The following UNC13A variants were observed in gnomAD, a reference collection of about 807,000 sequenced individuals.
UNC13A encodes the protein unc-13 homolog A, also known as protein unc-13 homolog A.
UNC13A carries 61 observed loss-of-function variants against 219.7 expected under a neutral mutation model. That is an observed-to-expected ratio of 0.28 (90% CI 0.23 to 0.34). The LOEUF (loss-of-function observed/expected upper bound fraction) is 0.34, where lower values mean the gene tolerates loss of function less well. Ranked by LOEUF, UNC13A falls within the 10% of genes least tolerant of loss-of-function variation. The pLI is 1.00. For missense variants in UNC13A, 1,476 were observed against 2,270.3 expected (o/e 0.65, Z 7.11); for synonymous variants, 920 against 884.6 (o/e 1.04, Z -0.71).
chr19:17,660,449 G>C (rs1194676378), intron 8 of UNC13A, among the ~76,000 whole-genome samples: 1 of 151,714 alleles, frequency 6.6e-6, no homozygotes, highest in Non-Finnish European at 1.5e-5. Flanking sequence ...GTCTGTTTTC[G>C]GTTCAATTGT....
At chr19:17,640,292 G>A (rs2076954931) in intron 22 of UNC13A, among the ~76,000 whole-genome samples, 1 of 152,206 alleles carries the variant, frequency 6.6e-6, no homozygotes, top group Non-Finnish European at 1.5e-5. Context: ...TCCAGCCTCG[G>A]CCTCCCAAAG....
chr19:17,629,097 C>A (rs1568510988), intron 31 of UNC13A, 143 bp downstream of exon 31: 1 of 691,138 alleles, frequency 1.4e-6, no homozygotes. Context: ...AAACAAGCAC[C>A]TCTAAACACA....
intron 43 of UNC13A, 61 bp from the exon 44 acceptor site, chr19:17,606,415 C>A: frequency 3.3e-6 from 5 of 1,513,376 alleles, no homozygotes; most frequent in Non-Finnish European, 3.5e-6. Context: ...CCGCCCACGG[C>A]CCCGTCCCCA....
At chr19:17,655,213 G>T in intron 11 of UNC13A, 61 bp downstream of exon 11, 1 of 1,370,746 alleles carries the variant, frequency 7.3e-7, no homozygotes, top group Non-Finnish European at 1.0e-6. Context: ...ACATGTGTGG[G>T]CCTGCCATTG....
In UNC13A at chr19:17,603,646, G is replaced by C. The variant is rs2076490313; in HGVS notation, c.*2408C>G. The C allele has an allele frequency of 6.6e-6, 1 of 152,080 alleles. No homozygotes were observed. Among genetic ancestry groups the C allele is most frequent in the South Asian group, 2.1e-4 (1 of 4,816 alleles). 9.4% of individuals were successfully genotyped at this position (152,080 alleles called of 1,614,324 possible). A position where few individuals can be genotyped will look rare whatever the true frequency, so the allele number is the denominator to read the frequency against. On this transcript the variant is annotated 3_prime_UTR_variant, in exon 44 of 44. Transcript: ENST00000519716. The stretch of plus-strand genomic sequence containing the variant: ...TGGCGCCACTTCTTCCAGACACTTG[G>C]GCCATTCACATGTCGGGAAACCAAC...
intron 24 of UNC13A, 88 bp downstream of exon 24, chr19:17,639,348 C>T (rs2076943353): frequency 1.2e-5 from 19 of 1,564,070 alleles, no homozygotes; most frequent in Non-Finnish European, 1.6e-5. Context: ...AAGGCTGCCA[C>T]TCTCCAGGAG....
chr19:17,606,172 C>G lies in UNC13A; in HGVS notation c.4994G>C (p.Gly1665Ala), dbSNP rs2076525268. The G allele has an allele frequency of 6.4e-7, 1 of 1,571,284 alleles. No individual in the cohort carries two copies. The highest frequency in any genetic ancestry group is 1.8e-5 in the Admixed American group (1 of 54,060). Residue 1665 changes from glycine to alanine, a missense_variant, in exon 44 of 44, where the codon GGC (glycine) becomes GCC (alanine). By Grantham distance (60) the Gly-to-Ala change is moderately conservative. Coordinates refer to ENST00000519716, the MANE Select transcript of UNC13A (RefSeq NM_001080421.3). ...LGRRIHMDDT[G>A]LTVLRILSQR... ...CGAGAGGATTCGCAGCACCGTGAGG[C>G]CCGTGTCGTCCATGTGGATGCGGCG...
intron 6 of UNC13A, 141 bp downstream of exon 6, chr19:17,667,976 A>T: frequency 1.3e-6 from 1 of 798,002 alleles, no homozygotes; most frequent in Non-Finnish European, 2.0e-6. Flanking sequence ...TGGGTCATGG[A>T]TGCAGTCAGG....
intron 1 of UNC13A, among the ~76,000 whole-genome samples, chr19:17,681,237 A>C (rs1488398663): frequency 1.3e-5 from 2 of 151,704 alleles, no homozygotes; most frequent in East Asian, 3.9e-4. Context: ...GTCTTGGGGC[A>C]CTGGCTCCCT....
chr19:17,613,660 T>C (rs1261309418), intron 41 of UNC13A: 1 of 151,978 alleles, frequency 6.6e-6, no homozygotes, highest in Non-Finnish European at 1.5e-5. Context: ...ATCTTTTATT[T>C]TCCTTACCCC....
intron 1 of UNC13A, among the ~76,000 whole-genome samples, chr19:17,683,379 C>G (rs1469812021): frequency 6.6e-6 from 1 of 152,050 alleles, no homozygotes; most frequent in Non-Finnish European, 1.5e-5. Flanking sequence ...AGCCTGTAAT[C>G]TCAGTACATT....
intron 15 of UNC13A, 44 bp downstream of exon 15, chr19:17,648,868 C>A: frequency 6.4e-7 from 1 of 1,557,310 alleles, no homozygotes; most frequent in Non-Finnish European, 8.7e-7. Flanking sequence ...AAGCTCCTAG[C>A]CCAGTCCATC....
chr19:17,678,547 C>A (rs1043831641), intron 1 of UNC13A, among the ~76,000 whole-genome samples: 3 of 152,062 alleles, frequency 2.0e-5, no homozygotes, highest in African/African-American at 4.8e-5. Flanking sequence ...TCTCTCTGGG[C>A]CTTCATCTCT....
At chr19:17,682,284 G>T (rs1016205719) in intron 1 of UNC13A, among the ~76,000 whole-genome samples, 1 of 152,062 alleles carries the variant, frequency 6.6e-6, no homozygotes, top group African/African-American at 2.4e-5. Context: ...TTTTGCTCAC[G>T]ATTATTGGGC....
In UNC13A at chr19:17,626,779, C is replaced by A. The variant is rs773587026; in HGVS notation, c.3927G>T (p.Gln1309His). The change falls in exon 34 of 44, where the codon CAG becomes CAT. Residue 1309 changes from glutamine to histidine, a missense_variant. Physicochemically the swap from Gln to His is conservative, Grantham distance 24. Around this residue, in one of 14 missense-constraint regions of UNC13A, gnomAD observed 218 missense variants for 409.4 expected, o/e 0.53. Coordinates refer to ENST00000519716, the MANE Select transcript of UNC13A (RefSeq NM_001080421.3). Reference protein sequence around the residue: ...ELSRVFATSFQPHIEECVKQM... With the variant: ...ELSRVFATSFHPHIEECVKQM... ...GTTTGACACACTCTTCAATGTGCGG[C>A]TGGAAGCTGGGGACACAGAAGGGAA... 6.2e-7 allele frequency: 1 copy of A among 1,610,216 alleles called. No individual in the cohort carries two copies. Among genetic ancestry groups the A allele is most frequent in the South Asian group, 1.1e-5 (1 of 90,538 alleles).
At chr19:17,663,759 G>A (rs573426977) in intron 7 of UNC13A, among the ~76,000 whole-genome samples, 192 bp from the exon 8 acceptor site, 1 of 152,126 alleles carries the variant, frequency 6.6e-6, no homozygotes, top group African/African-American at 2.4e-5. Context: ...CACCTTGGGA[G>A]GAAGGTGGGA....
chr19:17,675,369 C>T (rs892800235), intron 2 of UNC13A, among the ~76,000 whole-genome samples: 1 of 151,890 alleles, frequency 6.6e-6, no homozygotes, highest in African/African-American at 2.4e-5. Flanking sequence ...CGGTAGCTCA[C>T]GCCTGCAATC....
chr19:17,631,184 T>C (rs193243173), intron 28 of UNC13A, among the ~76,000 whole-genome samples: 819 of 25,148 alleles, frequency 0.033, 60 homozygotes, highest in African/African-American at 0.058. Flanking sequence ...CCTCCTTTCC[T>C]TCCTTCCCTC....
intron 39 of UNC13A, 96 bp downstream of exon 39, chr19:17,618,810 T>G (rs2076695267): frequency 5.0e-6 from 6 of 1,190,162 alleles, no homozygotes; most frequent in Non-Finnish European, 7.5e-6. Flanking sequence ...ATGCATGTCA[T>G]CATCCTGGGA....
Sources: allele counts gnomAD v4.1 joint callset (sites outside exome capture counted in the v4.1 genomes callset), GRCh38; gene constraint gnomAD v4.1.1; regional missense constraint gnomAD v4.1.1; transcripts MANE v1.5; gene names NCBI Gene and HGNC (gene_info 2026-07-23, HGNC 2026-07-21).